The following CCDC148 variants were observed in gnomAD, a reference collection of about 807,000 sequenced individuals.
CCDC148 encodes coiled-coil domain-containing protein 148.
In CCDC148, 89 loss-of-function variants were observed where a neutral mutation model predicts 85.7. That is an observed-to-expected ratio of 1.04 (90% confidence interval 0.87 to 1.24). The LOEUF is 1.24. CCDC148 is among the 50% of genes most tolerant of loss of function. The pLI, the probability that CCDC148 is intolerant of heterozygous loss-of-function variation, is 0.00. For synonymous variants in CCDC148, 230 were observed against 213.9 expected (o/e 1.08, Z -0.66); for missense variants, 692 against 671.7 (o/e 1.03, Z -0.33).
rs796519016 is a variant in CCDC148, at chr2:158,431,926, GA to G, written c.25+24488del. Among the ~76,000 whole-genome samples, 569 of 145,374 alleles carry G rather than the reference GA, an allele frequency of 3.9e-3. 1 individual carries two copies. The highest frequency in any genetic ancestry group is 0.013 in the African/African-American group (510 of 39,570). ...CACTCCAGCCTGGGCAACAGAGCAA[GA>G]AAAAAAAAATGATACCAGATGGAAA... On this transcript the variant is annotated intron_variant, in intron 1 of 13. Coordinates refer to ENST00000283233, the MANE Select transcript of CCDC148 (RefSeq NM_138803.4).
At chr2:158,424,100 C>T (rs901475065) in intron 1 of CCDC148, among the ~76,000 whole-genome samples, 1 of 152,132 alleles carries the variant, frequency 6.6e-6, no homozygotes, top group Admixed American at 6.5e-5. Context: ...GAAATAGGAA[C>T]ACTTTTATAC....
chr2:158,324,482 T>C (rs566277734), intron 7 of CCDC148, among the ~76,000 whole-genome samples: 31 of 152,276 alleles, frequency 2.0e-4, no homozygotes, highest in African/African-American at 7.5e-4. Context: ...CCCTATTTGC[T>C]GGCTCTTTAG....
At chr2:158,215,979 C>T (rs1045437943) in intron 11 of CCDC148, among the ~76,000 whole-genome samples, 6 of 152,174 alleles carry the variant, frequency 3.9e-5, no homozygotes, top group African/African-American at 1.4e-4. Flanking sequence ...GCACATTGAT[C>T]TTGGGCTTCT....
chr2:158,318,671 T>C (rs1323780680), intron 7 of CCDC148, among the ~76,000 whole-genome samples: 1 of 152,154 alleles, frequency 6.6e-6, no homozygotes, highest in Admixed American at 6.5e-5. Context: ...GTAGGGATGA[T>C]GGCAAGCCTC....
chr2:158,293,967 TCCCTCCCC>T (rs1691024562), intron 9 of CCDC148, among the ~76,000 whole-genome samples: 5 of 37,278 alleles, frequency 1.3e-4, no homozygotes, highest in African/African-American at 4.9e-4. Context: ...CCTCCCTCCC[TCCCTCCCC>T]CCCCCCCTCC....
intron 1 of CCDC148, among the ~76,000 whole-genome samples, chr2:158,434,298 A>G (rs7589638): frequency 6.6e-6 from 1 of 151,926 alleles, no homozygotes; most frequent in South Asian, 2.1e-4. Flanking sequence ...AGGCAGCAAC[A>G]TTTGTCATTC....
intron 7 of CCDC148, among the ~76,000 whole-genome samples, chr2:158,325,932 C>T (rs1226210955): frequency 1.3e-5 from 2 of 152,096 alleles, no homozygotes; most frequent in African/African-American, 2.4e-5. Context: ...ACTTCTACCC[C>T]CCAGCCCCAC....
intron 11 of CCDC148, among the ~76,000 whole-genome samples, chr2:158,210,413 A>G (rs1686500438): frequency 6.6e-6 from 1 of 152,094 alleles, no homozygotes; most frequent in African/African-American, 2.4e-5. Context: ...TGAGACAGAA[A>G]ATTAACAAGG....
chr2:158,221,665 C>G (rs894756695), intron 10 of CCDC148, among the ~76,000 whole-genome samples: 2 of 152,116 alleles, frequency 1.3e-5, no homozygotes, highest in Non-Finnish European at 2.9e-5. Context: ...CCTGACTTGC[C>G]CTAGCAACAT....
At chr2:158,345,837 G>T (rs1472864626) in intron 2 of CCDC148, among the ~76,000 whole-genome samples, 1 of 152,138 alleles carries the variant, frequency 6.6e-6, no homozygotes, top group Non-Finnish European at 1.5e-5. Flanking sequence ...GCATAAGATG[G>T]GAAAGGTTCC....
At chr2:158,190,060 A>T (rs1350936823) in intron 11 of CCDC148, among the ~76,000 whole-genome samples, 1 of 152,008 alleles carries the variant, frequency 6.6e-6, no homozygotes, top group Non-Finnish European at 1.5e-5. Flanking sequence ...AGCCTGTCTA[A>T]TTAGTCAGTG....
At position 158,420,863 on chromosome 2, in the gene CCDC148, T is replaced by C. The variant is rs180992614; in HGVS notation, c.25+35552A>G. ...CCCATCTCACGTGCACAGACAAACA[T>C]AGGCTCAAAATAAAGGGATGGAGGA... is the stretch of plus-strand genomic sequence containing the variant. On this transcript the variant is annotated intron_variant, in intron 1 of 13. Coordinates refer to ENST00000283233, the MANE Select transcript of CCDC148 (RefSeq NM_138803.4). 4.9e-3 allele frequency among the ~76,000 whole-genome samples: 743 copies of C among 151,248 alleles called. 6 individuals are homozygous for C. The highest frequency in any genetic ancestry group is 5.3e-3 in the Non-Finnish European group (357 of 67,814).
At chr2:158,297,113 A>G (rs555715270) in intron 9 of CCDC148, among the ~76,000 whole-genome samples, 58 of 152,188 alleles carry the variant, frequency 3.8e-4, no homozygotes, top group African/African-American at 1.3e-3. Context: ...ACACCAAAAT[A>G]CTCATGAACA....
In CCDC148 at chr2:158,267,786, C is replaced by T. The variant is rs190425487; in HGVS notation, c.1111-16874G>A. On this transcript the variant is annotated intron_variant, in intron 9 of 13. Coordinates refer to ENST00000283233, the MANE Select transcript of CCDC148 (RefSeq NM_138803.4). ...CACTCACGATACAGTGGCTTCAGCC[C>T]TATTTTCTGTCCCTATAGTTTTGCC... Among the ~76,000 whole-genome samples, 552 of 152,252 alleles carry T rather than the reference C, an allele frequency of 3.6e-3. 2 individuals are homozygous for T. Among genetic ancestry groups the T allele is most frequent in the Non-Finnish European group, 5.9e-3 (399 of 68,016 alleles).
intron 10 of CCDC148, among the ~76,000 whole-genome samples, chr2:158,221,817 C>A (rs1687198645): frequency 6.6e-6 from 1 of 151,958 alleles, no homozygotes. Context: ...ATATCCACTG[C>A]AGAGATGACA....
At chr2:158,433,206 G>A in intron 1 of CCDC148, among the ~76,000 whole-genome samples, 1 of 142,612 alleles carries the variant, frequency 7.0e-6, no homozygotes, top group East Asian at 2.0e-4. Flanking sequence ...GCCACAGTGA[G>A]CTGAAATCAA....
intron 11 of CCDC148, among the ~76,000 whole-genome samples, chr2:158,216,067 G>A (rs1367049993): frequency 1.3e-5 from 2 of 152,126 alleles, no homozygotes; most frequent in Non-Finnish European, 2.9e-5. Flanking sequence ...GATAGCCCAA[G>A]CTAACTAATA....
chr2:158,207,636 CA>C (rs1303494372), intron 11 of CCDC148: 1 of 152,094 alleles, frequency 6.6e-6, no homozygotes, highest in African/African-American at 2.4e-5. Flanking sequence ...TTGGTTGGAA[CA>C]ATAGACCTAT....
chr2:158,245,852 T>C (rs1688549029), intron 10 of CCDC148, among the ~76,000 whole-genome samples: 2 of 152,126 alleles, frequency 1.3e-5, no homozygotes, highest in African/African-American at 4.8e-5. Context: ...ATTTCAGAAA[T>C]AGAGAGATGC....
Sources: allele counts gnomAD v4.1 joint callset (sites outside exome capture counted in the v4.1 genomes callset), GRCh38; gene constraint gnomAD v4.1.1; transcripts MANE v1.5; gene names NCBI Gene and HGNC (gene_info 2026-07-23, HGNC 2026-07-21).